PCDHA4: variants seen among roughly 807,000 people sequenced by gnomAD.
The protein encoded by PCDHA4 is protocadherin alpha 4.
PCDHA4 carries 49 observed loss-of-function variants against 61.4 expected under a neutral mutation model. The observed-to-expected ratio is 0.80, with a 90% confidence interval of 0.63 to 1.01. The LOEUF is 1.01. Among genes scored for constraint, PCDHA4 ranks in the 50% least tolerant of loss-of-function variants. The pLI is 0.00. For synonymous variants in PCDHA4, 590 were observed against 550.3 expected, an observed-to-expected ratio of 1.07 and a Z score of -1.01; for missense variants, 1,254 against 1,235.8, an observed-to-expected ratio of 1.01 and a Z score of -0.22.
chr5:140,835,620 C>T, intron 1 of PCDHA4: 2 of 1,613,942 alleles, frequency 1.2e-6, no homozygotes, highest in Non-Finnish European at 1.7e-6. Flanking sequence ...GGACAGCGCT[C>T]TGGACCGCGA....
chr5:140,923,719 G>A (rs906860011), intron 1 of PCDHA4, among the ~76,000 whole-genome samples: 5 of 152,182 alleles, frequency 3.3e-5, no homozygotes, highest in African/African-American at 1.2e-4. Context: ...GAATAAGAAT[G>A]CAATGTTATG....
intron 1 of PCDHA4, among the ~76,000 whole-genome samples, chr5:140,941,286 C>CTCTT (rs5871754): frequency 5.6e-5 from 6 of 106,818 alleles, no homozygotes; most frequent in African/African-American, 1.4e-4. Context: ...TCCTTCCTTT[C>CTCTT]TCTTTCTTTC....
intron 1 of PCDHA4, among the ~76,000 whole-genome samples, chr5:140,962,851 C>T (rs2095713637): frequency 1.3e-5 from 2 of 152,114 alleles, no homozygotes; most frequent in South Asian, 4.1e-4. Flanking sequence ...ATAACTTGTG[C>T]TCGGTTTGTA....
At chr5:140,941,210 TC>T (rs2092849552) in intron 1 of PCDHA4, among the ~76,000 whole-genome samples, 1 of 100,630 alleles carries the variant, frequency 9.9e-6, no homozygotes, top group African/African-American at 5.4e-5. Flanking sequence ...TTCCTTTCTT[TC>T]TTCCTTTCTT....
In PCDHA4 at chr5:140,848,841, G is replaced by A. The variant is rs2150422504; in HGVS notation, c.2385+39269G>A. The A allele has an allele frequency of 3.6e-5, 57 of 1,590,472 alleles. 1 individual carries two copies. In the African/African-American group the frequency reaches 7.3e-4, roughly 20 times the overall value. On this transcript the variant is annotated intron_variant, in intron 1 of 3. Transcript: ENST00000530339. ...GGTGATCGTAGACAGGCCGCTGCAG[G>A]TTTTCCATGTGGACGTGGAGGTGAA...
At chr5:140,957,912 T>A (rs570961362) in intron 1 of PCDHA4, among the ~76,000 whole-genome samples, 1 of 152,256 alleles carries the variant, frequency 6.6e-6, no homozygotes, top group Non-Finnish European at 1.5e-5. Context: ...CATATTGTTA[T>A]CTATGTATCA....
intron 3 of PCDHA4, among the ~76,000 whole-genome samples, chr5:140,993,295 C>G (rs553867145): frequency 3.3e-5 from 5 of 152,090 alleles, no homozygotes; most frequent in African/African-American, 9.7e-5. Flanking sequence ...GGGTCACAAC[C>G]TTGCCTCCAG....
chr5:140,870,864 C>T lies in PCDHA4; in HGVS notation c.2385+61292C>T, dbSNP rs782241816. The T allele has an allele frequency of 3.7e-6, 6 of 1,613,816 alleles. No homozygotes were observed. The African/African-American group carries it at 8.0e-5, about 22-fold the overall frequency. ...TAGTACCGCGGTCGGTGGGTGCGGG[C>T]CACGTGGTGGCGAAGGTGCGCGCAG... On this transcript the variant is annotated intron_variant, in intron 1 of 3. Coordinates refer to ENST00000530339, the MANE Select transcript of PCDHA4 (RefSeq NM_018907.4).
chr5:140,851,338 A>T (rs554817085), intron 1 of PCDHA4: 3 of 978,674 alleles, frequency 3.1e-6, no homozygotes, highest in East Asian at 9.3e-5. Flanking sequence ...AGTTCTCTAC[A>T]TTTCTCTGGA....
At chr5:140,881,075 G>A (rs2058577107) in intron 1 of PCDHA4, among the ~76,000 whole-genome samples, 1 of 152,202 alleles carries the variant, frequency 6.6e-6, no homozygotes, top group African/African-American at 2.4e-5. Context: ...AATTATTGGA[G>A]CTATGATATA....
intron 3 of PCDHA4, among the ~76,000 whole-genome samples, chr5:140,985,765 A>G (rs2097169846): frequency 7.8e-6 from 1 of 128,516 alleles, no homozygotes; most frequent in African/African-American, 3.0e-5. Flanking sequence ...TTTTTGAGAC[A>G]GTCTCGCTCT....
rs186341301 is a variant in PCDHA4 at position 140,890,770 on chromosome 5, A to G, written c.2385+81198A>G. Among the ~76,000 whole-genome samples the G allele has an allele frequency of 8.0e-3, 1,216 of 152,240 alleles. 6 individuals are homozygous for G. Among genetic ancestry groups the G allele is most frequent in the African/African-American group, 0.019 (786 of 41,520 alleles). On this transcript the variant is annotated intron_variant, in intron 1 of 3. Transcript: ENST00000530339. Reference sequence around the variant, plus strand: ...CTGTCATGCTTTAAAAATATTTTAAAACCCCATAAGATATTAGTATTATTT... The same window carrying G: ...CTGTCATGCTTTAAAAATATTTTAAGACCCCATAAGATATTAGTATTATTT...
At chr5:140,988,294 G>A (rs2097291713) in intron 3 of PCDHA4, among the ~76,000 whole-genome samples, 1 of 152,206 alleles carries the variant, frequency 6.6e-6, no homozygotes, top group South Asian at 2.1e-4. Context: ...TGACAGCCCA[G>A]GAGTGCCAGC....
intron 1 of PCDHA4, among the ~76,000 whole-genome samples, chr5:140,961,312 A>G (rs2095603612): frequency 6.6e-6 from 1 of 152,156 alleles, no homozygotes; most frequent in Non-Finnish European, 1.5e-5. Context: ...ATGATTTACC[A>G]GGCTCTGTTT....
intron 3 of PCDHA4, among the ~76,000 whole-genome samples, chr5:140,996,100 G>A (rs1554255000): frequency 1.3e-5 from 2 of 152,190 alleles, no homozygotes; most frequent in Non-Finnish European, 2.9e-5. Flanking sequence ...TACATGGAAT[G>A]GTATGGAAGT....
intron 1 of PCDHA4, among the ~76,000 whole-genome samples, chr5:140,976,181 A>G (rs1334452758): frequency 6.6e-6 from 1 of 152,208 alleles, no homozygotes; most frequent in Non-Finnish European, 1.5e-5. Flanking sequence ...ATTGTTTTAA[A>G]TCAATATCCT....
chr5:140,835,741 C>T lies in PCDHA4; in HGVS notation c.2385+26169C>T, dbSNP rs2150243716. ...GTGGCCGACGTGAACGACAACGCCC[C>T]GGCGTTCGCGCAGCCCGAGTATACG... is the stretch of plus-strand genomic sequence containing the variant. On this transcript the variant is annotated intron_variant, in intron 1 of 3. Coordinates refer to ENST00000530339, the MANE Select transcript of PCDHA4 (RefSeq NM_018907.4). 4.3e-6 allele frequency: 7 copies of T among 1,613,704 alleles called. No homozygotes were observed. In the East Asian group the frequency reaches 6.7e-5, roughly 15 times the overall value.
chr5:141,010,373 G>A lies in PCDHA4; in HGVS notation c.*436G>A, dbSNP rs1554262916. 6.8e-7 allele frequency: 1 copy of A among 1,463,988 alleles called. No homozygotes were observed. Among genetic ancestry groups the A allele is most frequent in the Admixed American group, 2.4e-5 (1 of 41,618 alleles). The allele number at this position is 1,463,988 out of a possible 1,614,324, so 90.7% of individuals were successfully genotyped here. ...GTGTGGCTACCGCGGGTATGCGAGT[G>A]CCAGATATTGGCTGAGACGAGCCAG... On this transcript the variant is annotated 3_prime_UTR_variant, in exon 4 of 4. Coordinates refer to ENST00000530339, the MANE Select transcript of PCDHA4 (RefSeq NM_018907.4).
At chr5:140,863,413 T>C (rs1581689381) in intron 1 of PCDHA4, 1 of 735,446 alleles carries the variant, frequency 1.4e-6, no homozygotes, top group Non-Finnish European at 2.3e-6. Flanking sequence ...CACGCTGGTG[T>C]ACCGCAGCGT....
Sources: gnomAD v4.1 joint callset for allele counts (sites outside exome capture counted in the v4.1 genomes callset) on GRCh38, gnomAD v4.1.1 for gene constraint, MANE v1.5 for transcripts, NCBI Gene and HGNC (gene_info 2026-07-23, HGNC 2026-07-21) for gene names.